CR1L: variants seen among roughly 807,000 people sequenced by gnomAD.
The protein encoded by CR1L is complement component receptor 1-like protein.
Under a neutral mutation model 62.3 loss-of-function variants are expected in CR1L, and 59 were observed. That is an observed-to-expected ratio of 0.95 (90% CI 0.77 to 1.18). The LOEUF (loss-of-function observed/expected upper bound fraction) is 1.18, where lower values mean the gene tolerates loss of function less well. CR1L is among the 50% of genes most tolerant of loss of function. The probability of loss-of-function intolerance (pLI) is 0.00; values close to 1 mark genes in which losing one functional copy is unlikely to be tolerated. For synonymous variants in CR1L, 279 were observed against 248.7 expected, an observed-to-expected ratio of 1.12 and a Z score of -1.15; for missense variants, 700 against 702.8, an observed-to-expected ratio of 1.00 and a Z score of 0.04.
intron 1 of CR1L, among the ~76,000 whole-genome samples, chr1:207,664,745 A>G (rs1287111474): frequency 6.6e-6 from 1 of 152,116 alleles, no homozygotes; most frequent in Non-Finnish European, 1.5e-5. Flanking sequence ...AAAAAAGAGA[A>G]ACTACAGGGG....
chr1:207,694,957 G>A (rs917177112), intron 5 of CR1L, among the ~76,000 whole-genome samples: 7 of 152,192 alleles, frequency 4.6e-5, no homozygotes, highest in Non-Finnish European at 5.9e-5. Flanking sequence ...GACAAGGAAC[G>A]TGATGTTTCT....
intron 7 of CR1L, 48 bp downstream of exon 7, chr1:207,697,921 G>A (rs537311282): frequency 6.2e-7 from 1 of 1,610,958 alleles, no homozygotes; most frequent in East Asian, 2.2e-5. Context: ...TTGGGGTTAG[G>A]AATTAGTCCA....
intron 4 of CR1L, among the ~76,000 whole-genome samples, chr1:207,689,313 C>T (rs1387659660): frequency 6.6e-6 from 1 of 151,812 alleles, no homozygotes; most frequent in Non-Finnish European, 1.5e-5. Flanking sequence ...CTAGAATCAA[C>T]CTATGTTGCT....
chr1:207,715,366 C>T, intron 10 of CR1L: 1 of 1,597,258 alleles, frequency 6.3e-7, no homozygotes, highest in Non-Finnish European at 8.6e-7. Flanking sequence ...GAATGAAAGC[C>T]CTTTGGAATA....
chr1:207,667,450 T>C (rs962965071), intron 1 of CR1L, among the ~76,000 whole-genome samples: 1 of 152,198 alleles, frequency 6.6e-6, no homozygotes, highest in Admixed American at 6.5e-5. Context: ...TCTATTACCT[T>C]CCTCTTATAA....
At chr1:207,655,261 C>A in intron 1 of CR1L, 1 of 713,818 alleles carries the variant, frequency 1.4e-6, no homozygotes, top group Non-Finnish European at 2.4e-6. Flanking sequence ...AGCAGTAAGC[C>A]CCCAATATGT....
At chr1:207,695,347 C>T (rs1425867023) in intron 5 of CR1L, among the ~76,000 whole-genome samples, 19 of 152,258 alleles carry the variant, frequency 1.2e-4, no homozygotes, top group Admixed American at 1.1e-3. Context: ...CCAGGCTTGT[C>T]TCGAACACCT....
intron 10 of CR1L, among the ~76,000 whole-genome samples, chr1:207,711,087 C>T (rs1427293891): frequency 6.6e-6 from 1 of 152,200 alleles, no homozygotes; most frequent in East Asian, 1.9e-4. Flanking sequence ...ATTATATGGA[C>T]TTTATGGTCA....
In CR1L at chr1:207,645,327, T is replaced by C; in HGVS notation, c.94T>C (p.Ser32Pro). The change falls in exon 1 of 12, where the codon TCC (serine) becomes CCC (proline). Residue 32 changes from serine to proline, a missense_variant. Transcript: ENST00000508064. ...CCTGGTGTTGCTGCTGTCCTCCTTCTCCGGTAGGACCCCGGGGTGGATTCG... is the reference window on the plus strand; with the variant it reads ...CCTGGTGTTGCTGCTGTCCTCCTTCCCCGGTAGGACCCCGGGGTGGATTCG... ...AALVLLLSSF[S>P]DQCNVPEWLP... 1 of 1,613,910 alleles carries C rather than the reference T, an allele frequency of 6.2e-7. No homozygotes were observed. The highest frequency in any genetic ancestry group is 8.5e-7 in the Non-Finnish European group (1 of 1,179,886).
intron 9 of CR1L, among the ~76,000 whole-genome samples, chr1:207,704,569 ATTG>A (rs1421010809): frequency 1.3e-5 from 2 of 152,192 alleles, no homozygotes; most frequent in Non-Finnish European, 2.9e-5. Flanking sequence ...GGCCAGTTTT[ATTG>A]TTGTCTTAGA....
At chr1:207,701,939 T>G (rs1198242015) in intron 9 of CR1L, among the ~76,000 whole-genome samples, 1 of 152,162 alleles carries the variant, frequency 6.6e-6, no homozygotes, top group African/African-American at 2.4e-5. Context: ...GGGAAGGGCA[T>G]GTAGCAGCTG....
intron 1 of CR1L, 73 bp from the exon 2 acceptor site, chr1:207,677,316 A>C: frequency 4.4e-6 from 4 of 900,326 alleles, no homozygotes; most frequent in Non-Finnish European, 5.8e-6. Flanking sequence ...ACAAAAAAAA[A>C]AAAAAAAAAA....
chr1:207,673,694 G>A (rs1663647534), intron 1 of CR1L, among the ~76,000 whole-genome samples: 1 of 152,080 alleles, frequency 6.6e-6, no homozygotes, highest in African/African-American at 2.4e-5. Flanking sequence ...TGGAGAAGCT[G>A]GAATTATAAT....
At chr1:207,703,788 C>A (rs994698874) in intron 9 of CR1L, among the ~76,000 whole-genome samples, 1 of 152,166 alleles carries the variant, frequency 6.6e-6, no homozygotes, top group Non-Finnish European at 1.5e-5. Context: ...AACCCCGTCT[C>A]TATTAAAAAT....
chr1:207,681,427 G>A (rs1400407151), intron 3 of CR1L, among the ~76,000 whole-genome samples: 3 of 152,218 alleles, frequency 2.0e-5, no homozygotes, highest in African/African-American at 7.2e-5. Flanking sequence ...CTTAAAATAA[G>A]TAGCATGGAT....
intron 1 of CR1L, among the ~76,000 whole-genome samples, chr1:207,656,489 A>T (rs1663312315): frequency 6.6e-6 from 1 of 152,160 alleles, no homozygotes; most frequent in Non-Finnish European, 1.5e-5. Flanking sequence ...CCGTTTTCGT[A>T]TTGCTATAAA....
rs138474012 is a variant in CR1L at position 207,711,797 on chromosome 1, G to A, written c.1414+3534G>A. ...TGGCTCGCACCTGAAATCTCATGAG[G>A]CTGAGGCAGGAGAATCACTTGAACC... is the stretch of plus-strand genomic sequence containing the variant. On this transcript the variant is annotated intron_variant, in intron 10 of 11. Transcript: ENST00000508064. Among the ~76,000 whole-genome samples the A allele has an allele frequency of 4.4e-3, 669 of 152,020 alleles. 3 individuals carry two copies. The highest frequency in any genetic ancestry group is 0.014 in the Middle Eastern group (4 of 294).
In CR1L at chr1:207,708,278, C is replaced by G. The variant is rs1664302170; in HGVS notation, c.1414+15C>G. 18 of 1,610,506 alleles carry G rather than the reference C, an allele frequency of 1.1e-5. No homozygotes were observed. The highest frequency in any genetic ancestry group is 1.5e-5 in the Non-Finnish European group (18 of 1,178,638). ...AATTTGTCAACGTGAGTTGAAATCTCTTTCCCCATTCACCCCACCATTTAA... is the reference window on the plus strand; with the variant it reads ...AATTTGTCAACGTGAGTTGAAATCTGTTTCCCCATTCACCCCACCATTTAA... On this transcript the variant is annotated intron_variant, in intron 10 of 11. Coordinates refer to ENST00000508064, the MANE Select transcript of CR1L (RefSeq NM_175710.2).
intron 1 of CR1L, chr1:207,657,348 A>C: frequency 1.2e-6 from 1 of 840,400 alleles, no homozygotes; most frequent in South Asian, 1.4e-5. Flanking sequence ...TTCCTTCTTC[A>C]TCTGTAAGTA....
Sources: gnomAD v4.1 joint callset for allele counts (sites outside exome capture counted in the v4.1 genomes callset) on GRCh38, gnomAD v4.1.1 for gene constraint, MANE v1.5 for transcripts, NCBI Gene and HGNC (gene_info 2026-07-23, HGNC 2026-07-21) for gene names.